ATP10A: variants seen among roughly 807,000 people sequenced by gnomAD.
ATP10A encodes the protein phospholipid-transporting ATPase VA.
Under a neutral mutation model 147.8 loss-of-function variants are expected in ATP10A, and 111 were observed. That is an observed-to-expected ratio of 0.75 (90% CI 0.64 to 0.88). The LOEUF is 0.88. Ranked by LOEUF, ATP10A falls within the 40% of genes least tolerant of loss-of-function variation. The pLI is 0.00. For missense variants in ATP10A, 1,927 were observed against 1,959.0 expected (o/e 0.98, Z 0.31); for synonymous variants, 875 against 841.6 (o/e 1.04, Z -0.69).
intron 12 of ATP10A, 90 bp from the exon 13 acceptor site, chr15:25,702,190 G>A (rs908155196): frequency 1.9e-4 from 253 of 1,339,416 alleles, no homozygotes; most frequent in Non-Finnish European, 2.4e-4. Flanking sequence ...CAGATACACC[G>A]AAGGCAGGCA....
Position 25,716,760 on chromosome 15 carries a change from G to A in ATP10A, c.1746C>T (p.Val582=), listed in dbSNP as rs369407036. Residue 582 remains valine (V), a synonymous_variant, in exon 9 of 21, where the codon GTC becomes GTT. Coordinates refer to ENST00000555815, the MANE Select transcript of ATP10A (RefSeq NM_024490.4). ...FIALTICNTV[V]VTSPDQPRTK... The stretch of plus-strand genomic sequence containing the variant: ...TTCGTGGCTGATCCGGGGACGTGAC[G>A]ACGACTGTGTTGCAGATGGTGAGTG... 1.4e-5 allele frequency: 22 copies of A among 1,599,284 alleles called. No homozygotes were observed. Among genetic ancestry groups the A allele is most frequent in the Middle Eastern group, 1.7e-4 (1 of 6,030 alleles).
chr15:25,786,689 G>A (rs1216555566), intron 1 of ATP10A, among the ~76,000 whole-genome samples: 1 of 134,178 alleles, frequency 7.5e-6, no homozygotes, highest in African/African-American at 2.9e-5. Flanking sequence ...GCAGTGGCGT[G>A]ATCTCGGCTC....
intron 2 of ATP10A, among the ~76,000 whole-genome samples, chr15:25,757,491 T>TA (rs954213529): frequency 2.6e-5 from 4 of 152,092 alleles, no homozygotes; most frequent in East Asian, 1.9e-4. Flanking sequence ...TATTTTATGT[T>TA]AAAAAAGAGC....
rs7173593 is a variant in ATP10A at position 25,736,043 on chromosome 15, A to G, written c.740+13T>C. The G allele has an allele frequency of 0.81, 1,297,335 of 1,604,248 alleles. 532,894 individuals are homozygous for G. The highest frequency in any genetic ancestry group is 0.86 in the Non-Finnish European group (1,001,517 of 1,171,314). ...AACAGAAGGATGCGCGCAGGCAGAC[A>G]CACGATACTCACATGCAGCCGCGAA... On this transcript the variant is annotated intron_variant, in intron 3 of 20. Coordinates refer to ENST00000555815, the MANE Select transcript of ATP10A (RefSeq NM_024490.4).
chr15:25,685,032 C>A (rs1216121547), intron 16 of ATP10A, among the ~76,000 whole-genome samples: 1 of 152,126 alleles, frequency 6.6e-6, no homozygotes. Flanking sequence ...CACTCACCCC[C>A]GCAGGCTTGG....
intron 1 of ATP10A, among the ~76,000 whole-genome samples, chr15:25,846,739 G>C (rs953606738): frequency 6.6e-6 from 1 of 152,184 alleles, no homozygotes; most frequent in African/African-American, 2.4e-5. Flanking sequence ...AAGATGTTCT[G>C]GGTAGTGGTG....
At chr15:25,843,251 T>C (rs1031337247) in intron 1 of ATP10A, among the ~76,000 whole-genome samples, 60 of 104,804 alleles carry the variant, frequency 5.7e-4, no homozygotes, top group African/African-American at 2.1e-3. Flanking sequence ...CGTCCCGGGG[T>C]GTGATCTCGG....
At chr15:25,806,534 G>C (rs867806499) in intron 1 of ATP10A, among the ~76,000 whole-genome samples, 5 of 151,972 alleles carry the variant, frequency 3.3e-5, no homozygotes, top group Non-Finnish European at 7.4e-5. Context: ...GGATGGTCTC[G>C]ATCTCCTGAC....
intron 2 of ATP10A, among the ~76,000 whole-genome samples, chr15:25,766,371 C>A (rs949552923): frequency 2.6e-5 from 4 of 152,126 alleles, no homozygotes; most frequent in South Asian, 4.1e-4. Flanking sequence ...AGGAGGCAGA[C>A]CCCAAAGCTC....
At chr15:25,764,301 T>C (rs1412315226) in intron 2 of ATP10A, among the ~76,000 whole-genome samples, 1 of 152,214 alleles carries the variant, frequency 6.6e-6, no homozygotes, top group Non-Finnish European at 1.5e-5. Flanking sequence ...TGTTCCCTGC[T>C]ACAGATGGCA....
At chr15:25,841,279 G>GTT (rs59687038) in intron 1 of ATP10A, among the ~76,000 whole-genome samples, 34 of 145,592 alleles carry the variant, frequency 2.3e-4, no homozygotes, top group South Asian at 4.3e-4. Flanking sequence ...GAGGTTTAGG[G>GTT]TTTTTTTTTT....
chr15:25,842,951 T>G (rs1379188993), intron 1 of ATP10A, among the ~76,000 whole-genome samples: 2 of 152,158 alleles, frequency 1.3e-5, no homozygotes, highest in African/African-American at 4.8e-5. Flanking sequence ...ACTTCTGGCC[T>G]CAAGCAATCC....
intron 1 of ATP10A, among the ~76,000 whole-genome samples, chr15:25,843,855 T>G (rs1892912392): frequency 6.6e-6 from 1 of 152,130 alleles, no homozygotes; most frequent in African/African-American, 2.4e-5. Context: ...CACAAGAAAC[T>G]AAGTTCAAGA....
Position 25,725,936 on chromosome 15 carries a change from A to C in ATP10A, c.979+15T>G, listed in dbSNP as rs754992451. The C allele has an allele frequency of 6.2e-7, 1 of 1,611,036 alleles. No individual in the cohort carries two copies. On this transcript the variant is annotated intron_variant, in intron 5 of 20. Coordinates refer to ENST00000555815, the MANE Select transcript of ATP10A (RefSeq NM_024490.4). ...CCTGGCCCCCACTCATTTCCGATCC[A>C]TCTAGGAGACTTACCGACTGCTGAA...
intron 3 of ATP10A, among the ~76,000 whole-genome samples, chr15:25,728,197 C>T (rs1035167616): frequency 6.6e-6 from 1 of 152,222 alleles, no homozygotes; most frequent in Non-Finnish European, 1.5e-5. Context: ...ACCAGGGACC[C>T]CTGCAGGGGT....
At chr15:25,686,041 G>A (rs1379611460) in intron 16 of ATP10A, among the ~76,000 whole-genome samples, 1 of 152,004 alleles carries the variant, frequency 6.6e-6, no homozygotes, top group African/African-American at 2.4e-5. Flanking sequence ...GGTATGAGCC[G>A]GCAAGCCCAG....
intron 2 of ATP10A, among the ~76,000 whole-genome samples, chr15:25,777,686 A>C (rs1889681257): frequency 6.6e-6 from 1 of 151,868 alleles, no homozygotes; most frequent in Non-Finnish European, 1.5e-5. Context: ...CCACAACCTC[A>C]AACTTCTGGT....
chr15:25,705,688 C>T (rs371305249), intron 12 of ATP10A, among the ~76,000 whole-genome samples: 32 of 152,250 alleles, frequency 2.1e-4, no homozygotes, highest in South Asian at 8.3e-4. Flanking sequence ...GGTTAACAAC[C>T]GGTCTGTGGG....
chr15:25,853,953 G>GA lies in ATP10A; in HGVS notation c.449+8694dup, dbSNP rs60346962. On this transcript the variant is annotated intron_variant, in intron 1 of 20. Transcript: ENST00000555815. ...TTAGACCCTGTCTCAGAAAAAAAAA[G>GA]AAAAAAAAAAAAAGACTCAGGAGAC... 7.8e-3 allele frequency among the ~76,000 whole-genome samples: 968 copies of GA among 123,464 alleles called. 5 individuals are homozygous for GA. The highest frequency in any genetic ancestry group is 9.8e-3 in the Non-Finnish European group (565 of 57,504). 81.0% of individuals were successfully genotyped at this position (123,464 alleles called of 152,430 possible).
Sources: allele counts gnomAD v4.1 joint callset (sites outside exome capture counted in the v4.1 genomes callset), GRCh38; gene constraint gnomAD v4.1.1; transcripts MANE v1.5; gene names NCBI Gene and HGNC (gene_info 2026-07-23, HGNC 2026-07-21).